CTNNBL1: variants seen among roughly 807,000 people sequenced by gnomAD.
CTNNBL1 encodes catenin beta like 1.
CTNNBL1 carries 31 observed loss-of-function variants against 72.7 expected under a neutral mutation model. That is an observed-to-expected ratio of 0.43 (90% CI 0.32 to 0.58). The LOEUF (loss-of-function observed/expected upper bound fraction) is 0.58. CTNNBL1 is among the 20% of genes least tolerant of loss of function. CTNNBL1 has a pLI of 0.08. For synonymous variants in CTNNBL1, 240 were observed against 267.3 expected (o/e 0.90, Z 1.00); for missense variants, 534 against 725.1 (o/e 0.74, Z 3.03).
chr20:37,865,465 A>T (rs556193637), intron 15 of CTNNBL1, among the ~76,000 whole-genome samples: 5 of 151,924 alleles, frequency 3.3e-5, no homozygotes, highest in African/African-American at 1.2e-4. Flanking sequence ...CCATCTATCC[A>T]CAGGCCTTTT....
At chr20:37,829,971 A>G (rs538558920) in intron 11 of CTNNBL1, among the ~76,000 whole-genome samples, 2 of 152,098 alleles carry the variant, frequency 1.3e-5, no homozygotes, top group Non-Finnish European at 2.9e-5. Flanking sequence ...AGTTGGGATC[A>G]CAGGAGCGTA....
chr20:37,787,611 T>C (rs1386080571), intron 10 of CTNNBL1, among the ~76,000 whole-genome samples: 2 of 152,248 alleles, frequency 1.3e-5, no homozygotes, highest in Non-Finnish European at 2.9e-5. Context: ...CCCAAAGTGC[T>C]GGGATTACAG....
intron 1 of CTNNBL1, among the ~76,000 whole-genome samples, chr20:37,703,026 A>T (rs2122544482): frequency 6.6e-6 from 1 of 152,316 alleles, no homozygotes; most frequent in Non-Finnish European, 1.5e-5. Context: ...TCAGTTGCTT[A>T]ATCATTTTCC....
chr20:37,805,119 C>G (rs1277153971), intron 11 of CTNNBL1, among the ~76,000 whole-genome samples: 27 of 152,250 alleles, frequency 1.8e-4, no homozygotes, highest in Admixed American at 1.8e-3. Context: ...CAGAGCAGAG[C>G]AGTGCGCACT....
chr20:37,869,467 C>A (rs1397295674), intron 15 of CTNNBL1, among the ~76,000 whole-genome samples: 2 of 152,270 alleles, frequency 1.3e-5, no homozygotes, highest in Non-Finnish European at 2.9e-5. Flanking sequence ...TAGTCACCCA[C>A]TGCAGGAGAT....
At chr20:37,754,215 T>C (rs1051500787) in intron 4 of CTNNBL1, among the ~76,000 whole-genome samples, 2 of 152,198 alleles carry the variant, frequency 1.3e-5, no homozygotes, top group African/African-American at 4.8e-5. Context: ...ACACTACTTA[T>C]TGCATTATTG....
At chr20:37,730,279 A>C (rs1332637710) in intron 1 of CTNNBL1, among the ~76,000 whole-genome samples, 13 of 152,240 alleles carry the variant, frequency 8.5e-5, no homozygotes. Flanking sequence ...ACATTGCACC[A>C]AGCATATCGC....
chr20:37,840,134 C>T lies in CTNNBL1; in HGVS notation c.1246C>T (p.Arg416Trp), dbSNP rs757144734. The T allele has an allele frequency of 1.7e-5, 27 of 1,613,632 alleles. No individual in the cohort carries two copies. The highest frequency in any genetic ancestry group is 2.7e-5 in the African/African-American group (2 of 74,896). Reference protein sequence around the residue: ...HVCSILASLLRNLRGQQRTRL... With the variant: ...HVCSILASLLWNLRGQQRTRL... ...CTGTTCGATCCTGGCTTCCCTCCTG[C>T]GGAACCTGAGAGGGCAGCAGCGGAC... is the stretch of plus-strand genomic sequence containing the variant. Residue 416 changes from arginine (R) to tryptophan (W), a missense_variant, in exon 12 of 16, where the codon CGG becomes TGG. By Grantham distance (101) the Arg-to-Trp change is moderately radical (BLOSUM62 -3). Coordinates refer to ENST00000361383, the MANE Select transcript of CTNNBL1 (RefSeq NM_030877.5).
chr20:37,759,421 G>T (rs879508931), intron 5 of CTNNBL1, among the ~76,000 whole-genome samples: 1 of 152,098 alleles, frequency 6.6e-6, no homozygotes, highest in Non-Finnish European at 1.5e-5. Context: ...GGAACAGCTA[G>T]CCTGGCTGTT....
chr20:37,787,912 T>G (rs1483383982), intron 10 of CTNNBL1, among the ~76,000 whole-genome samples: 1 of 152,220 alleles, frequency 6.6e-6, no homozygotes, highest in Non-Finnish European at 1.5e-5. Flanking sequence ...TTGAAATTGT[T>G]TCTAGTCCCC....
rs201177604 is a variant in CTNNBL1, at chr20:37,717,741, A to C, written c.31-15138A>C. On this transcript the variant is annotated intron_variant, in intron 1 of 15. Transcript: ENST00000361383. ...ACAAAGGTCTCTGGTTTTCCTAGGC[A>C]GAGGACCCTGCGGCCTTCCGTAGTG... Among the ~76,000 whole-genome samples the C allele has an allele frequency of 4.7e-4, 71 of 152,170 alleles. 1 individual carries two copies. The East Asian group carries it at 0.012, about 25-fold the overall frequency.
At chr20:37,829,848 A>G (rs937681211) in intron 11 of CTNNBL1, among the ~76,000 whole-genome samples, 5 of 152,208 alleles carry the variant, frequency 3.3e-5, no homozygotes, top group African/African-American at 7.2e-5. Flanking sequence ...GTATTTATTT[A>G]GGAGACAGGG....
intron 13 of CTNNBL1, among the ~76,000 whole-genome samples, chr20:37,847,053 A>G (rs1231842585): frequency 6.6e-6 from 1 of 152,170 alleles, no homozygotes; most frequent in Non-Finnish European, 1.5e-5. Flanking sequence ...ATTAAGGAAG[A>G]TACGGCGAGT....
intron 1 of CTNNBL1, among the ~76,000 whole-genome samples, chr20:37,703,268 A>G (rs2072859184): frequency 6.6e-6 from 1 of 152,200 alleles, no homozygotes; most frequent in African/African-American, 2.4e-5. Flanking sequence ...CACTTAATTC[A>G]CATGCCATCA....
chr20:37,829,714 CA>C (rs2072191410), intron 11 of CTNNBL1, among the ~76,000 whole-genome samples: 1 of 152,144 alleles, frequency 6.6e-6, no homozygotes, highest in South Asian at 2.1e-4. Context: ...ACCTGTCCTT[CA>C]AGTCTTAACT....
At chr20:37,826,974 A>G (rs2072165914) in intron 11 of CTNNBL1, among the ~76,000 whole-genome samples, 1 of 152,234 alleles carries the variant, frequency 6.6e-6, no homozygotes, top group Non-Finnish European at 1.5e-5. Context: ...ACCCCAGAGC[A>G]TTCTCTCATG....
intron 11 of CTNNBL1, among the ~76,000 whole-genome samples, chr20:37,805,408 C>T (rs111562785): frequency 4.4e-4 from 43 of 98,282 alleles, no homozygotes; most frequent in Admixed American, 7.4e-4. Context: ...TTTTTTTTTT[C>T]CTTTTTTTTT....
At chr20:37,839,245 C>G (rs1051832456) in intron 11 of CTNNBL1, among the ~76,000 whole-genome samples, 1 of 152,136 alleles carries the variant, frequency 6.6e-6, no homozygotes, top group Admixed American at 6.5e-5. Flanking sequence ...AGATGACATT[C>G]TTGGGAATCC....
At chr20:37,857,899 C>G (rs2072457095) in intron 13 of CTNNBL1, among the ~76,000 whole-genome samples, 1 of 152,230 alleles carries the variant, frequency 6.6e-6, no homozygotes, top group South Asian at 2.1e-4. Context: ...ATAGCCCAAA[C>G]CAGATGTCTG....
Sources: gnomAD v4.1 joint callset for allele counts (sites outside exome capture counted in the v4.1 genomes callset) on GRCh38, gnomAD v4.1.1 for gene constraint, MANE v1.5 for transcripts, NCBI Gene and HGNC (gene_info 2026-07-23, HGNC 2026-07-21) for gene names.